The following ADARB2 variants were observed in gnomAD, a reference collection of about 807,000 sequenced individuals.
The protein encoded by ADARB2 is adenosine deaminase RNA specific B2 (inactive), also known as inactive double-stranded RNA-specific editase B2.
A neutral mutation model predicts 62.2 loss-of-function variants in ADARB2; 25 were observed. The ratio of observed to expected loss-of-function variants is 0.40; its 90% CI spans 0.29 to 0.56. The LOEUF (loss-of-function observed/expected upper bound fraction) is 0.56, where lower values mean the gene tolerates loss of function less well. Among genes scored for constraint, ADARB2 ranks in the 20% least tolerant of loss-of-function variants. ADARB2 has a pLI of 0.43. For missense variants in ADARB2, 1,071 were observed against 1,077.4 expected (o/e 0.99, Z 0.08); for synonymous variants, 572 against 500.8 (o/e 1.14, Z -1.90).
At chr10:1,216,774 C>T (rs1830628238) in intron 7 of ADARB2, 177 bp downstream of exon 7, 1 of 859,132 alleles carries the variant, frequency 1.2e-6, no homozygotes, top group Non-Finnish European at 1.7e-6. Flanking sequence ...GCCTTGGCCT[C>T]AGGGTGTGGG....
At chr10:1,433,990 T>C (rs1476223275) in intron 1 of ADARB2, among the ~76,000 whole-genome samples, 2 of 152,232 alleles carry the variant, frequency 1.3e-5, no homozygotes, top group East Asian at 3.8e-4. Context: ...AGTTGGTGCA[T>C]ATTGAACACA....
At chr10:1,368,343 C>T (rs986362324) in intron 2 of ADARB2, among the ~76,000 whole-genome samples, 17 of 152,160 alleles carry the variant, frequency 1.1e-4, no homozygotes, top group African/African-American at 4.1e-4. Context: ...ACATGGGACG[C>T]ATTTTGAAAA....
intron 1 of ADARB2, among the ~76,000 whole-genome samples, chr10:1,717,695 A>C (rs538917347): frequency 2.0e-3 from 305 of 152,054 alleles, no homozygotes; most frequent in African/African-American, 7.1e-3. Context: ...CTCCCGCCCC[A>C]GACTCCCGAG....
intron 3 of ADARB2, among the ~76,000 whole-genome samples, chr10:1,323,409 A>G (rs1261796510): frequency 6.6e-6 from 1 of 152,208 alleles, no homozygotes; most frequent in East Asian, 1.9e-4. Flanking sequence ...AAATTGACCT[A>G]TAGTGTGGTG....
At chr10:1,278,934 C>G in intron 3 of ADARB2, among the ~76,000 whole-genome samples, 1 of 152,284 alleles carries the variant, frequency 6.6e-6, no homozygotes, top group Non-Finnish European at 1.5e-5. Flanking sequence ...ATCAACCTCT[C>G]GAATGAATGA....
intron 1 of ADARB2, among the ~76,000 whole-genome samples, chr10:1,599,946 T>C (rs1348933804): frequency 2.0e-5 from 3 of 152,162 alleles, no homozygotes; most frequent in Non-Finnish European, 2.9e-5. Flanking sequence ...AGTTTCACCA[T>C]GTTGCCCTGG....
intron 1 of ADARB2, among the ~76,000 whole-genome samples, chr10:1,625,810 C>T (rs1349827416): frequency 6.8e-6 from 1 of 147,996 alleles, no homozygotes; most frequent in Non-Finnish European, 1.5e-5. Context: ...TGAGCTGTGG[C>T]CTTCCCATGT....
rs561379449 is a variant in ADARB2, at chr10:1,359,332, G to A, written c.1077+3696C>T. ...GTTTAGGTCTGGTGTGAGTTCTAAG[G>A]AATCTGATAAATGCCTGCCTTTGTC... On this transcript the variant is annotated intron_variant, in intron 3 of 9. Transcript: ENST00000381312. Among the ~76,000 whole-genome samples, 10 of 152,262 alleles carry A rather than the reference G, an allele frequency of 6.6e-5. No individual in the cohort carries two copies. In the East Asian group the frequency reaches 1.9e-3, roughly 29 times the overall value.
At chr10:1,590,773 G>A (rs1205063726) in intron 1 of ADARB2, among the ~76,000 whole-genome samples, 1 of 152,202 alleles carries the variant, frequency 6.6e-6, no homozygotes, top group Non-Finnish European at 1.5e-5. Flanking sequence ...CTGGTGTGAG[G>A]TGGACGGTGG....
chr10:1,566,100 A>C (rs1588305059), intron 1 of ADARB2, among the ~76,000 whole-genome samples: 1 of 88,346 alleles, frequency 1.1e-5, no homozygotes, highest in African/African-American at 3.6e-5. Flanking sequence ...AAAAAAAAAA[A>C]AAAAAAAAAA....
intron 1 of ADARB2, among the ~76,000 whole-genome samples, chr10:1,536,271 GAC>G (rs1832331626): frequency 6.6e-6 from 1 of 152,200 alleles, no homozygotes; most frequent in Admixed American, 6.5e-5. Flanking sequence ...GCCACACGAG[GAC>G]ACAGAAAGCG....
chr10:1,585,936 AG>A (rs1333278133), intron 1 of ADARB2, among the ~76,000 whole-genome samples: 8 of 152,202 alleles, frequency 5.3e-5, no homozygotes, highest in Non-Finnish European at 1.2e-4. Context: ...TGGGAGGCTG[AG>A]GCAGGAGAAT....
intron 1 of ADARB2, among the ~76,000 whole-genome samples, chr10:1,606,150 C>A (rs1203228194): frequency 1.3e-5 from 2 of 152,236 alleles, no homozygotes; most frequent in Non-Finnish European, 2.9e-5. Context: ...TCTTCCCCCG[C>A]TCCTTCCTTT....
At position 1,363,829 on chromosome 10, in the gene ADARB2, G is replaced by T. The variant is rs371399725; in HGVS notation, c.276C>A (p.Gly92=). ...GCCGCTTCCTCTTCGCGCCGGGCGCGCCGCCCCGGGCCCGGTCCCCGGAGG... is the reference window on the plus strand; with the variant it reads ...GCCGCTTCCTCTTCGCGCCGGGCGCTCCGCCCCGGGCCCGGTCCCCGGAGG... ...PPPSGDRARG[G]APGAKRKRPL... Residue 92 remains glycine (G), a synonymous_variant, in exon 3 of 10, where the codon GGC becomes GGA. Coordinates refer to ENST00000381312, the MANE Select transcript of ADARB2 (RefSeq NM_018702.4). The T allele has an allele frequency of 1.9e-6, 3 of 1,565,894 alleles. No homozygotes were observed. The highest frequency in any genetic ancestry group is 1.8e-5 in the Admixed American group (1 of 55,666).
intron 3 of ADARB2, among the ~76,000 whole-genome samples, chr10:1,328,685 T>G (rs1831899746): frequency 6.6e-6 from 1 of 152,080 alleles, no homozygotes; most frequent in African/African-American, 2.4e-5. Flanking sequence ...TCGATTTCAT[T>G]TTGCTTACCA....
chr10:1,320,768 A>T (rs1413524843), intron 3 of ADARB2, among the ~76,000 whole-genome samples: 13 of 152,338 alleles, frequency 8.5e-5, no homozygotes, highest in Non-Finnish European at 1.8e-4. Flanking sequence ...ACAGATGATA[A>T]AATAATTCCT....
chr10:1,429,955 C>T (rs1830763393), intron 1 of ADARB2, among the ~76,000 whole-genome samples: 1 of 152,016 alleles, frequency 6.6e-6, no homozygotes, highest in African/African-American at 2.4e-5. Flanking sequence ...TTTCTCTAAA[C>T]AGAAATGAAA....
At chr10:1,615,286 C>T (rs760061113) in intron 1 of ADARB2, among the ~76,000 whole-genome samples, 4 of 152,164 alleles carry the variant, frequency 2.6e-5, no homozygotes, top group Non-Finnish European at 5.9e-5. Context: ...GCCTTCCCGC[C>T]CTGCCATGCT....
At chr10:1,624,914 T>C (rs1487685519) in intron 1 of ADARB2, among the ~76,000 whole-genome samples, 1 of 152,234 alleles carries the variant, frequency 6.6e-6, no homozygotes, top group Non-Finnish European at 1.5e-5. Flanking sequence ...GATGATGTTA[T>C]GCTGCATTTA....
Sources: allele counts gnomAD v4.1 joint callset (sites outside exome capture counted in the v4.1 genomes callset), GRCh38; gene constraint gnomAD v4.1.1; transcripts MANE v1.5; gene names NCBI Gene and HGNC (gene_info 2026-07-23, HGNC 2026-07-21).